The following SOHLH2 variants were observed in gnomAD, a reference collection of about 807,000 sequenced individuals.
The protein encoded by SOHLH2 is spermatogenesis and oogenesis specific basic helix-loop-helix 2.
Under a neutral mutation model 50.4 loss-of-function variants are expected in SOHLH2, and 22 were observed. The ratio of observed to expected loss-of-function variants is 0.44; its 90% CI spans 0.31 to 0.62. SOHLH2 has a LOEUF of 0.62. Ranked by LOEUF, SOHLH2 falls within the 20% of genes least tolerant of loss-of-function variation. The pLI is 0.08. For missense variants in SOHLH2, 412 were observed against 504.4 expected, an observed-to-expected ratio of 0.82 and a Z score of 1.76; for synonymous variants, 185 against 187.3, an observed-to-expected ratio of 0.99 and a Z score of 0.10.
chr13:36,213,652 G>A (rs117911607), intron 1 of SOHLH2, among the ~76,000 whole-genome samples: 7,119 of 152,162 alleles, frequency 0.047, 243 homozygotes, highest in Non-Finnish European at 0.071. Context: ...CTTTGCTAAA[G>A]GGGCTGAAAA....
intron 2 of SOHLH2, among the ~76,000 whole-genome samples, chr13:36,197,423 T>C (rs1370473141): frequency 3.9e-5 from 6 of 152,086 alleles, no homozygotes; most frequent in Non-Finnish European, 8.8e-5. Context: ...CATATACAAG[T>C]GTTTTGAGCT....
intron 1 of SOHLH2, among the ~76,000 whole-genome samples, chr13:36,209,995 A>G (rs1394964076): frequency 2.9e-5 from 2 of 69,718 alleles, no homozygotes; most frequent in South Asian, 6.2e-4. Flanking sequence ...CTCTACTCTG[A>G]AGACCAAGTA....
At chr13:36,188,215 A>G (rs192979159) in intron 6 of SOHLH2, among the ~76,000 whole-genome samples, 5 of 152,318 alleles carry the variant, frequency 3.3e-5, no homozygotes, top group Admixed American at 2.6e-4. Flanking sequence ...TAGGCAGAAG[A>G]ATTGCTTGGC....
chr13:36,182,496 AGCCTTCATGTAAGAG>A (rs1887284907), intron 6 of SOHLH2: 5 of 160,708 alleles, frequency 3.1e-5, no homozygotes. Flanking sequence ...TGGAATCCTA[AGCCTTCATGTAAGAG>A]GTCCTTCTAG....
intron 2 of SOHLH2, among the ~76,000 whole-genome samples, chr13:36,200,649 C>A (rs956547167): frequency 2.6e-5 from 4 of 152,084 alleles, no homozygotes; most frequent in Non-Finnish European, 5.9e-5. Context: ...GGAAGGAGAA[C>A]AAATTTGCTC....
At chr13:36,184,616 C>T (rs1235456389) in intron 6 of SOHLH2, among the ~76,000 whole-genome samples, 1 of 151,978 alleles carries the variant, frequency 6.6e-6, no homozygotes, top group Admixed American at 6.6e-5. Flanking sequence ...CCTGCCACCA[C>T]ACCCAGCTAA....
In SOHLH2 at chr13:36,214,490, T is replaced by G. The variant is rs1374249029; in HGVS notation, c.37A>C (p.Ile13Leu). ...SSIICQEHCQ[I>L]SGQAKIDILL... The stretch of plus-strand genomic sequence containing the variant: ...CCACAGCCTCTTACCTGGCCCGAGA[T>G]CTGGCAGTGCTCCTGGCAGATAATT... The change falls in exon 1 of 11, where the codon ATC becomes CTC. Residue 13 changes from isoleucine to leucine, a missense_variant. Ile to Leu is a conservative substitution (Grantham distance 5). Coordinates refer to ENST00000379881, the MANE Select transcript of SOHLH2 (RefSeq NM_017826.3). 7 of 1,612,658 alleles carry G rather than the reference T, an allele frequency of 4.3e-6. No homozygotes were observed. The highest frequency in any genetic ancestry group is 1.7e-5 in the Admixed American group (1 of 59,910).
At position 36,190,060 on chromosome 13, in the gene SOHLH2, G is replaced by A. The variant is rs1470334960; in HGVS notation, c.531-4C>T. The A allele has an allele frequency of 6.3e-7, 1 of 1,595,012 alleles. No homozygotes were observed. Among genetic ancestry groups the A allele is most frequent in the East Asian group, 2.2e-5 (1 of 44,550 alleles). ...GCCATTCCTTAAAGATTCAGAGCTAGAAACAAGAGAAAATCACACCATACA... is the reference window on the plus strand; with the variant it reads ...GCCATTCCTTAAAGATTCAGAGCTAAAAACAAGAGAAAATCACACCATACA... On this transcript the variant is annotated splice_region_variant and splice_polypyrimidine_tract_variant and intron_variant, in intron 5 of 10. Coordinates refer to ENST00000379881, the MANE Select transcript of SOHLH2 (RefSeq NM_017826.3).
chr13:36,177,592 T>C (rs945024538), intron 6 of SOHLH2, among the ~76,000 whole-genome samples: 1 of 152,134 alleles, frequency 6.6e-6, no homozygotes, highest in African/African-American at 2.4e-5. Flanking sequence ...GTTTTCATTT[T>C]AGCATTTTGG....
In SOHLH2 at chr13:36,182,126, T is replaced by C. The variant is rs1490913458; in HGVS notation, c.642-7257A>G. The C allele has an allele frequency of 3.0e-6, 3 of 985,286 alleles. No individual in the cohort carries two copies. In the African/African-American group the frequency reaches 5.2e-5, roughly 17 times the overall value. The allele number at this position is 985,286 out of a possible 1,614,324, so 61.0% of individuals were successfully genotyped here. A position where few individuals can be genotyped will look rare whatever the true frequency, so the allele number is the denominator to read the frequency against. On this transcript the variant is annotated intron_variant, in intron 6 of 10. Transcript: ENST00000379881. Reference sequence around the variant, plus strand: ...TACAGAGGCAAGAAAAAAGTGTCCTTGTACTTTATGTCCCTTTGATTGTGG... The same window carrying C: ...TACAGAGGCAAGAAAAAAGTGTCCTCGTACTTTATGTCCCTTTGATTGTGG...
intron 5 of SOHLH2, among the ~76,000 whole-genome samples, chr13:36,191,413 A>C (rs1941520863): frequency 6.6e-6 from 1 of 152,228 alleles, no homozygotes; most frequent in Admixed American, 6.5e-5. Flanking sequence ...GTAGGTGTAT[A>C]ACAGGTGAGG....
chr13:36,203,399 A>G (rs6563389), intron 1 of SOHLH2, among the ~76,000 whole-genome samples: 117,936 of 152,104 alleles, frequency 0.78, 45,908 homozygotes, highest in East Asian at 1. Context: ...GATCAGGGGT[A>G]AATGTGCTCA....
At chr13:36,210,480 A>G (rs1160726127) in intron 1 of SOHLH2, among the ~76,000 whole-genome samples, 1 of 152,096 alleles carries the variant, frequency 6.6e-6, no homozygotes, top group Non-Finnish European at 1.5e-5. Flanking sequence ...GCTTTGTTCA[A>G]ACCAAGATCC....
intron 10 of SOHLH2, among the ~76,000 whole-genome samples, chr13:36,170,098 T>C (rs1267225839): frequency 6.6e-6 from 1 of 152,190 alleles, no homozygotes; most frequent in Non-Finnish European, 1.5e-5. Context: ...TCAGCCTGGC[T>C]GGTGACTGAA....
intron 6 of SOHLH2, among the ~76,000 whole-genome samples, chr13:36,175,415 G>C (rs1355337968): frequency 1.3e-5 from 2 of 152,176 alleles, no homozygotes; most frequent in African/African-American, 4.8e-5. Context: ...AAATCAGAAG[G>C]CTGCTTCCTT....
chr13:36,186,263 A>G (rs899644677), intron 6 of SOHLH2, among the ~76,000 whole-genome samples: 2 of 152,202 alleles, frequency 1.3e-5, no homozygotes, highest in African/African-American at 4.8e-5. Flanking sequence ...TCCTAAACTA[A>G]GACTAGAAGG....
intron 4 of SOHLH2, 87 bp from the exon 5 acceptor site, chr13:36,191,981 G>T: frequency 7.3e-7 from 1 of 1,376,488 alleles, no homozygotes; most frequent in Non-Finnish European, 1.0e-6. Flanking sequence ...AATCCTTAAT[G>T]CAGTTGTCTT....
intron 5 of SOHLH2, among the ~76,000 whole-genome samples, chr13:36,190,928 G>C (rs185281113): frequency 2.0e-3 from 301 of 152,236 alleles, no homozygotes; most frequent in Middle Eastern, 6.8e-3. Context: ...TGACTGCCAA[G>C]TCCCTTTCTT....
chr13:36,179,541 G>GGA (rs1566036905), intron 6 of SOHLH2, among the ~76,000 whole-genome samples: 1 of 151,910 alleles, frequency 6.6e-6, no homozygotes, highest in Non-Finnish European at 1.5e-5. Context: ...CACGAGTAGC[G>GGA]GAGATTACAG....
Sources: gnomAD v4.1 joint callset for allele counts (sites outside exome capture counted in the v4.1 genomes callset) on GRCh38, gnomAD v4.1.1 for gene constraint, MANE v1.5 for transcripts, NCBI Gene and HGNC (gene_info 2026-07-23, HGNC 2026-07-21) for gene names.